ZNF536: variants seen among roughly 807,000 people sequenced by gnomAD.
The protein encoded by ZNF536 is zinc finger protein 536.
ZNF536 carries 13 observed loss-of-function variants against 84.5 expected under a neutral mutation model. The observed-to-expected ratio is 0.15, with a 90% CI of 0.10 to 0.24. The LOEUF is 0.24. ZNF536 is among the 10% of genes least tolerant of loss of function. The pLI, the probability that ZNF536 is intolerant of heterozygous loss-of-function variation, is 1.00. For synonymous variants in ZNF536, 811 were observed against 742.5 expected (o/e 1.09, Z -1.50); for missense variants, 1,536 against 1,747.5 (o/e 0.88, Z 2.16).
At chr19:30,676,510 T>A (rs2050757833) in intron 1 of ZNF536, among the ~76,000 whole-genome samples, 1 of 152,226 alleles carries the variant, frequency 6.6e-6, no homozygotes, top group Non-Finnish European at 1.5e-5. Flanking sequence ...GGGATGCAGT[T>A]AATAAGTGAA....
intron 1 of ZNF536, among the ~76,000 whole-genome samples, chr19:30,247,195 C>G (rs73924247): frequency 6.6e-6 from 1 of 152,230 alleles, no homozygotes; most frequent in Non-Finnish European, 1.5e-5. Flanking sequence ...AGGGCACCCC[C>G]GGTGTGCCCC....
chr19:30,558,506 T>A (rs1259495420), downstream of ZNF536, among the ~76,000 whole-genome samples: 1 of 152,180 alleles, frequency 6.6e-6, no homozygotes, highest in Non-Finnish European at 1.5e-5. Flanking sequence ...CATGTTCTTT[T>A]CATCCTGCGA....
intron 1 of ZNF536, among the ~76,000 whole-genome samples, chr19:30,422,141 AGG>A (rs1311746350): frequency 6.6e-6 from 1 of 152,156 alleles, no homozygotes; most frequent in East Asian, 1.9e-4. Flanking sequence ...CAGATCTGTA[AGG>A]CCCTTTTAGA....
intron 1 of ZNF536, among the ~76,000 whole-genome samples, chr19:30,597,712 C>T (rs1024980138): frequency 1.3e-5 from 2 of 152,162 alleles, no homozygotes; most frequent in Non-Finnish European, 2.9e-5. Flanking sequence ...AATATAGCTA[C>T]TGTCAGTATT....
At chr19:30,392,164 A>G (rs1228676556) in intron 1 of ZNF536, among the ~76,000 whole-genome samples, 1 of 152,076 alleles carries the variant, frequency 6.6e-6, no homozygotes, top group African/African-American at 2.4e-5. Flanking sequence ...GAGGACTCTC[A>G]GCCACACCCT....
chr19:30,362,003 C>T (rs1024695509), intron 3 of ZNF536, among the ~76,000 whole-genome samples: 2 of 144,238 alleles, frequency 1.4e-5, no homozygotes, highest in African/African-American at 5.1e-5. Context: ...GCACATTAAC[C>T]CATGACGCCT....
intron 1 of ZNF536, among the ~76,000 whole-genome samples, chr19:30,274,966 C>G (rs966782796): frequency 2.6e-5 from 4 of 152,316 alleles, no homozygotes; most frequent in East Asian, 1.9e-4. Flanking sequence ...TATTAGAAAG[C>G]CTTTATAATT....
downstream of ZNF536, among the ~76,000 whole-genome samples, chr19:30,558,779 A>T (rs1025958225): frequency 5.3e-5 from 8 of 152,076 alleles, no homozygotes; most frequent in Admixed American, 2.0e-4. Flanking sequence ...TGTGTTTTGT[A>T]AATTTCTAAA....
chr19:30,499,837 T>C (rs1173308569), intron 2 of ZNF536, among the ~76,000 whole-genome samples: 2 of 152,148 alleles, frequency 1.3e-5, no homozygotes, highest in African/African-American at 4.8e-5. Context: ...AAGGGCTTGG[T>C]GGAAGTCCAT....
intron 1 of ZNF536, among the ~76,000 whole-genome samples, chr19:30,276,033 G>T (rs538815185): frequency 6.6e-6 from 1 of 152,016 alleles, no homozygotes; most frequent in South Asian, 2.1e-4. Flanking sequence ...TTAATTGTAG[G>T]TTTGGGGACT....
intron 2 of ZNF536, among the ~76,000 whole-genome samples, chr19:30,333,636 G>GC (rs2047288549): frequency 6.6e-6 from 1 of 152,134 alleles, no homozygotes; most frequent in African/African-American, 2.4e-5. Context: ...TTCTGCCATT[G>GC]CCCATCAGTA....
chr19:30,649,650 C>T (rs1369104923), intron 1 of ZNF536, among the ~76,000 whole-genome samples: 1 of 151,226 alleles, frequency 6.6e-6, no homozygotes. Flanking sequence ...CAGGAACAGC[C>T]AGTAGCCCCT....
chr19:30,403,762 C>G (rs1168174434), intron 1 of ZNF536, among the ~76,000 whole-genome samples: 1 of 152,196 alleles, frequency 6.6e-6, no homozygotes, highest in African/African-American at 2.4e-5. Context: ...TCCAGCTGCT[C>G]TTTGTCCCTG....
chr19:30,434,058 G>A (rs1478151388), intron 1 of ZNF536, among the ~76,000 whole-genome samples: 1 of 151,760 alleles, frequency 6.6e-6, no homozygotes, highest in African/African-American at 2.4e-5. Context: ...TGAGGCTCTG[G>A]CAGGGGACCA....
intron 1 of ZNF536, among the ~76,000 whole-genome samples, chr19:30,634,334 G>T (rs556343616): frequency 6.6e-6 from 1 of 152,070 alleles, no homozygotes; most frequent in Non-Finnish European, 1.5e-5. Context: ...AGTGGTCGAC[G>T]CTCAGCCAGT....
At chr19:30,495,706 GT>G (rs1404231475) in intron 2 of ZNF536, among the ~76,000 whole-genome samples, 5 of 152,192 alleles carry the variant, frequency 3.3e-5, no homozygotes, top group Non-Finnish European at 7.4e-5. Flanking sequence ...CTTTATGGGG[GT>G]ATCTGAAGAA....
chr19:30,618,369 G>A (rs541344837), intron 1 of ZNF536, among the ~76,000 whole-genome samples: 1 of 152,116 alleles, frequency 6.6e-6, no homozygotes, highest in Non-Finnish European at 1.5e-5. Flanking sequence ...TAATCTTTCT[G>A]ATTCACTTTA....
intron 1 of ZNF536, among the ~76,000 whole-genome samples, chr19:30,596,087 C>A (rs561494265): frequency 1.3e-5 from 2 of 152,172 alleles, no homozygotes; most frequent in Non-Finnish European, 2.9e-5. Context: ...AAGCAAAGAT[C>A]GTCTGCGGGA....
intron 2 of ZNF536, among the ~76,000 whole-genome samples, chr19:30,315,964 C>T (rs953888261): frequency 6.6e-6 from 1 of 152,130 alleles, no homozygotes; most frequent in African/African-American, 2.4e-5. Context: ...GAGGTGCACA[C>T]ATTTTTTAAC....
Sources: allele counts gnomAD v4.1 joint callset (sites outside exome capture counted in the v4.1 genomes callset), GRCh38; gene constraint gnomAD v4.1.1; transcripts MANE v1.5; gene names NCBI Gene and HGNC (gene_info 2026-07-23, HGNC 2026-07-21).